TPH2: variants seen among roughly 807,000 people sequenced by gnomAD.
TPH2 encodes the protein tryptophan 5-hydroxylase 2.
In TPH2, 27 loss-of-function variants were observed where a neutral mutation model predicts 59.1. That is an observed-to-expected ratio of 0.46 (90% confidence interval 0.34 to 0.63). The LOEUF is 0.63. Among genes scored for constraint, TPH2 ranks in the 30% least tolerant of loss-of-function variants. The probability of loss-of-function intolerance (pLI) is 0.01; values close to 1 mark genes in which losing one functional copy is unlikely to be tolerated. For synonymous variants in TPH2, 220 were observed against 210.5 expected (o/e 1.05, Z -0.39); for missense variants, 523 against 588.3 (o/e 0.89, Z 1.15).
At chr12:71,990,322 G>A (rs1380451671) in intron 7 of TPH2, among the ~76,000 whole-genome samples, 2 of 152,206 alleles carry the variant, frequency 1.3e-5, no homozygotes, top group African/African-American at 4.8e-5. Context: ...AGGACACAGC[G>A]CAGTGGCATT....
intron 8 of TPH2, among the ~76,000 whole-genome samples, chr12:72,004,743 C>T (rs181389690): frequency 2.0e-5 from 3 of 152,092 alleles, no homozygotes; most frequent in Admixed American, 6.6e-5. Flanking sequence ...ATGGTTGGGA[C>T]TTTTTTATGA....
chr12:72,025,313 G>C (rs1397663127), intron 9 of TPH2, among the ~76,000 whole-genome samples: 1 of 152,128 alleles, frequency 6.6e-6, no homozygotes, highest in African/African-American at 2.4e-5. Context: ...AGATTGGGTT[G>C]CTGGAGGTTT....
chr12:72,014,103 CTG>C (rs1347692269), intron 8 of TPH2, among the ~76,000 whole-genome samples: 1 of 152,168 alleles, frequency 6.6e-6, no homozygotes, highest in Non-Finnish European at 1.5e-5. Context: ...CCTCCCAAAT[CTG>C]TGAATGCTTG....
chr12:71,975,527 C>T (rs1429958838), intron 6 of TPH2, among the ~76,000 whole-genome samples: 1 of 152,164 alleles, frequency 6.6e-6, no homozygotes, highest in Non-Finnish European at 1.5e-5. Context: ...TTTCCTGCTG[C>T]AACTGCCCTG....
In TPH2 at chr12:71,970,435, A is replaced by T. The variant is rs577841870; in HGVS notation, c.609-2084A>T. 6.2e-4 allele frequency among the ~76,000 whole-genome samples: 94 copies of T among 152,334 alleles called. 1 individual carries two copies. The highest frequency in any genetic ancestry group is 1.2e-3 in the South Asian group (6 of 4,824). On this transcript the variant is annotated intron_variant, in intron 5 of 10. Transcript: ENST00000333850. ...ACACTTGATCTCATTCTGCCTGTTG[A>T]ATATTCAGGTCCCCTCTGAAGTGCT... is the stretch of plus-strand genomic sequence containing the variant.
intron 7 of TPH2, among the ~76,000 whole-genome samples, chr12:71,986,171 C>A (rs753080347): frequency 8.5e-5 from 13 of 152,190 alleles, no homozygotes; most frequent in Non-Finnish European, 1.6e-4. Context: ...TGACTGTCGG[C>A]AAGCCATTTA....
chr12:72,013,398 A>G (rs1456864364), intron 8 of TPH2, among the ~76,000 whole-genome samples: 1 of 152,138 alleles, frequency 6.6e-6, no homozygotes, highest in Non-Finnish European at 1.5e-5. Flanking sequence ...GATCTGGTAC[A>G]TTCTGTAATT....
chr12:71,999,716 A>G (rs1002827303), intron 8 of TPH2, among the ~76,000 whole-genome samples: 1 of 152,246 alleles, frequency 6.6e-6, no homozygotes, highest in Non-Finnish European at 1.5e-5. Flanking sequence ...ATTATGCTAA[A>G]GGGCTTCAAA....
At chr12:71,953,100 T>G (rs1262523622) in intron 5 of TPH2, among the ~76,000 whole-genome samples, 3 of 152,118 alleles carry the variant, frequency 2.0e-5, no homozygotes, top group African/African-American at 7.2e-5. Context: ...TTGACCCACA[T>G]TCCTCTTTAC....
At chr12:72,029,299 G>A (rs1055296022) in intron 9 of TPH2, among the ~76,000 whole-genome samples, 1 of 152,180 alleles carries the variant, frequency 6.6e-6, no homozygotes, top group Admixed American at 6.5e-5. Context: ...GACCCTGAAT[G>A]CAGGGATGAG....
Position 71,978,912 on chromosome 12 carries a change from TG to T in TPH2, c.806-37del, listed in dbSNP as rs1446818276. 4 of 1,613,932 alleles carry T rather than the reference TG, an allele frequency of 2.5e-6. No homozygotes were observed. The East Asian group carries it at 6.7e-5, about 27-fold the overall frequency. ...TCCTGCTTGGGCCCTCAAGTCTTGCTGGGTTAATATTTAGTTGGCTTTTTCT... is the reference window on the plus strand; with the variant it reads ...TCCTGCTTGGGCCCTCAAGTCTTGCTGGTTAATATTTAGTTGGCTTTTTCT... On this transcript the variant is annotated intron_variant, in intron 6 of 10. Coordinates refer to ENST00000333850, the MANE Select transcript of TPH2 (RefSeq NM_173353.4).
At chr12:71,946,331 T>A (rs903121952) in intron 4 of TPH2, among the ~76,000 whole-genome samples, 1 of 152,194 alleles carries the variant, frequency 6.6e-6, no homozygotes, top group Non-Finnish European at 1.5e-5. Flanking sequence ...ATGCTCCCCT[T>A]AGTCTAGTTT....
At position 72,031,658 on chromosome 12, in the gene TPH2, A is replaced by C. The variant is rs759066473; in HGVS notation, c.1436A>C (p.Asp479Ala). 6.2e-7 allele frequency: 1 copy of C among 1,613,592 alleles called. No homozygotes were observed. The change falls in exon 11 of 11, where the codon GAT becomes GCT. Residue 479 changes from aspartate (D) to alanine (A), a missense_variant. Physicochemically the swap from Asp to Ala is moderately radical, Grantham distance 126. Transcript: ENST00000333850. ...CGCAGCGACTTGAATACAGTGTGTG[A>C]TGCTTTAAACAAAATGAACCAATAT... ...DLRSDLNTVC[D>A]ALNKMNQYLG...
chr12:71,970,408 T>A (rs1205316752), intron 5 of TPH2, among the ~76,000 whole-genome samples: 1 of 152,216 alleles, frequency 6.6e-6, no homozygotes, highest in African/African-American at 2.4e-5. Flanking sequence ...CTATCCTAAT[T>A]TACACTTGAT....
At chr12:72,011,700 A>C (rs1284029278) in intron 8 of TPH2, among the ~76,000 whole-genome samples, 4 of 152,182 alleles carry the variant, frequency 2.6e-5, no homozygotes, top group Non-Finnish European at 5.9e-5. Context: ...GGGTCTTCAG[A>C]GTTGCTACTT....
chr12:71,972,069 T>C (rs1169733064), intron 5 of TPH2, among the ~76,000 whole-genome samples: 1 of 152,158 alleles, frequency 6.6e-6, no homozygotes, highest in African/African-American at 2.4e-5. Flanking sequence ...AATCTCAAAA[T>C]TACACTTGAA....
intron 4 of TPH2, among the ~76,000 whole-genome samples, chr12:71,946,565 C>A (rs531769078): frequency 1.3e-5 from 2 of 152,274 alleles, no homozygotes; most frequent in Admixed American, 1.3e-4. Context: ...CCTCTCTTGT[C>A]ATTTTTTAAA....
intron 8 of TPH2, among the ~76,000 whole-genome samples, chr12:72,001,335 G>A (rs1566153890): frequency 2.0e-5 from 3 of 152,124 alleles, no homozygotes. Context: ...TGGAATGTTA[G>A]CCTTATGAAA....
intron 5 of TPH2, chr12:71,962,140 C>T (rs1871703495): frequency 8.1e-6 from 8 of 989,780 alleles, no homozygotes; most frequent in Non-Finnish European, 9.6e-6. Context: ...GGGCTCCTAA[C>T]CTCCTCTACA....
Sources: allele counts gnomAD v4.1 joint callset (sites outside exome capture counted in the v4.1 genomes callset), GRCh38; gene constraint gnomAD v4.1.1; transcripts MANE v1.5; gene names NCBI Gene and HGNC (gene_info 2026-07-23, HGNC 2026-07-21).